GC: variants seen among roughly 807,000 people sequenced by gnomAD.
The protein encoded by GC is vitamin D-binding protein.
GC carries 43 observed loss-of-function variants against 56.7 expected under a neutral mutation model. The observed-to-expected ratio is 0.76, with a 90% CI of 0.59 to 0.98. The LOEUF (loss-of-function observed/expected upper bound fraction) is 0.98. Among genes scored for constraint, GC ranks in the 50% least tolerant of loss-of-function variants. The pLI, the probability that GC is intolerant of heterozygous loss-of-function variation, is 0.00. For synonymous variants in GC, 216 were observed against 202.7 expected (o/e 1.07, Z -0.56); for missense variants, 529 against 545.9 (o/e 0.97, Z 0.31).
intron 1 of GC, among the ~76,000 whole-genome samples, chr4:71,790,556 T>C (rs982538912): frequency 2.6e-5 from 4 of 151,880 alleles, no homozygotes; most frequent in African/African-American, 9.7e-5. Flanking sequence ...ACTTTTTTCT[T>C]CTGTATTTTT....
At chr4:71,778,862 TATCCTCAGGAAACAGAA>T (rs1742584459) in intron 1 of GC, among the ~76,000 whole-genome samples, 1 of 149,342 alleles carries the variant, frequency 6.7e-6, no homozygotes, top group African/African-American at 2.5e-5. Flanking sequence ...ATGAAGATTG[TATCCTCAGGAAACAGAA>T]TATTGCTGTC....
chr4:71,793,085 C>G (rs779050762), intron 1 of GC, among the ~76,000 whole-genome samples: 3 of 152,126 alleles, frequency 2.0e-5, no homozygotes, highest in Non-Finnish European at 4.4e-5. Context: ...AGTTTGAAGT[C>G]AGGTAGCATG....
upstream of GC, among the ~76,000 whole-genome samples, chr4:71,784,878 A>G (rs761569437): frequency 6.6e-5 from 10 of 151,660 alleles, no homozygotes; most frequent in Non-Finnish European, 1.2e-4. Context: ...AGGACATGAA[A>G]TCCAACATCT....
At chr4:71,755,352 A>C (rs532339036) in intron 8 of GC, among the ~76,000 whole-genome samples, 24 of 151,956 alleles carry the variant, frequency 1.6e-4, no homozygotes, top group African/African-American at 5.8e-4. Flanking sequence ...TAGTGGAGAC[A>C]GGGTTTCACC....
At chr4:71,779,769 A>G (rs1014605518) in intron 1 of GC, among the ~76,000 whole-genome samples, 1 of 151,878 alleles carries the variant, frequency 6.6e-6, no homozygotes, top group Non-Finnish European at 1.5e-5. Context: ...GATATCAGTA[A>G]GATGAAACAT....
Position 71,761,163 on chromosome 4 carries a change from G to A in GC, c.701+2245C>T, listed in dbSNP as rs574621479. Among the ~76,000 whole-genome samples the A allele has an allele frequency of 3.9e-5, 6 of 152,260 alleles. No homozygotes were observed. In the East Asian group the frequency reaches 5.8e-4, roughly 15 times the overall value. ...TGGCTTTGCCCAAAATGCTAATAGC[G>A]ATATGGACAATAAGGTCCAGGCTAA... On this transcript the variant is annotated intron_variant, in intron 6 of 12. Transcript: ENST00000273951.
At chr4:71,796,699 T>G (rs1743114765) in intron 1 of GC, among the ~76,000 whole-genome samples, 1 of 152,238 alleles carries the variant, frequency 6.6e-6, no homozygotes, top group Non-Finnish European at 1.5e-5. Flanking sequence ...TCCAACTTTT[T>G]TCCGTTGCTG....
intron 1 of GC, among the ~76,000 whole-genome samples, chr4:71,799,280 C>G: frequency 6.6e-6 from 1 of 152,222 alleles, no homozygotes; most frequent in Non-Finnish European, 1.5e-5. Flanking sequence ...TGCCTCCCAG[C>G]TCAGCGAGAC....
chr4:71,776,304 T>C (rs185605039), intron 1 of GC, among the ~76,000 whole-genome samples: 1 of 152,034 alleles, frequency 6.6e-6, no homozygotes, highest in Admixed American at 6.6e-5. Context: ...ATTTACACAG[T>C]TGAATACTAT....
intron 2 of GC, 103 bp from the exon 3 acceptor site, chr4:71,768,536 T>C: frequency 3.2e-6 from 3 of 935,630 alleles, no homozygotes; most frequent in Non-Finnish European, 4.7e-6. Context: ...TGGTGTGATC[T>C]CAGCTCACTG....
In GC at chr4:71,803,994, T is replaced by C. The variant is rs1192627266; in HGVS notation, c.-48A>G. On this transcript the variant is annotated 5_prime_UTR_variant, in exon 1 of 14. Transcript: ENST00000504199. ...AGATCATCACCAGTGGTAGAATAGG[T>C]AGATATCATTCTCCTGGTGGAGTAA... 7.5e-6 allele frequency: 9 copies of C among 1,202,830 alleles called. No homozygotes were observed. In the South Asian group the frequency reaches 7.7e-5, roughly 10 times the overall value. 74.5% of individuals were successfully genotyped at this position (1,202,830 alleles called of 1,614,324 possible). A position where few individuals can be genotyped will look rare whatever the true frequency, so the allele number is the denominator to read the frequency against.
intron 11 of GC, among the ~76,000 whole-genome samples, chr4:71,750,685 G>A (rs1335500355): frequency 6.6e-6 from 1 of 152,102 alleles, no homozygotes; most frequent in Admixed American, 6.5e-5. Context: ...AGGAGTTCCA[G>A]ATCAGCCTGG....
chr4:71,775,303 G>A (rs1013975566), intron 1 of GC, among the ~76,000 whole-genome samples: 3 of 151,774 alleles, frequency 2.0e-5, no homozygotes, highest in Non-Finnish European at 2.9e-5. Context: ...GCACAATTCT[G>A]GACATTCCCA....
intron 1 of GC, among the ~76,000 whole-genome samples, chr4:71,775,132 G>A (rs1742468413): frequency 6.7e-6 from 1 of 150,272 alleles, no homozygotes. Flanking sequence ...TTTGGTCTTA[G>A]TAGTGACAGA....
chr4:71,756,934 TTTGTGCA>T lies in GC; in HGVS notation c.832-27_832-21del, dbSNP rs752508098. On this transcript the variant is annotated intron_variant, in intron 7 of 12. Transcript: ENST00000273951. The stretch of plus-strand genomic sequence containing the variant: ...AGGCAGCTACAAAACGAATGGTTAG[TTTGTGCA>T]TTGTTAGTTTCCTGATAGTCTAATT... The T allele has an allele frequency of 6.6e-6, 10 of 1,518,966 alleles. No homozygotes were observed. The Admixed American group carries it at 1.7e-4, about 25-fold the overall frequency. 94.1% of individuals were successfully genotyped at this position (1,518,966 alleles called of 1,614,324 possible). A position where few individuals can be genotyped will look rare whatever the true frequency, so the allele number is the denominator to read the frequency against.
intron 1 of GC, among the ~76,000 whole-genome samples, chr4:71,797,860 A>G (rs1051426552): frequency 9.2e-5 from 14 of 152,238 alleles, no homozygotes; most frequent in Non-Finnish European, 1.3e-4. Context: ...TGAGCTTCTC[A>G]TAAGTCAATG....
Position 71,756,697 on chromosome 4 carries a change from A to G in GC, c.1034+15T>C, listed in dbSNP as rs377645659. The G allele has an allele frequency of 3.8e-6, 6 of 1,583,144 alleles. No individual in the cohort carries two copies. Among genetic ancestry groups the G allele is most frequent in the Admixed American group, 1.7e-5 (1 of 59,876 alleles). ...ACTTAAAATGGGAAAACGTTTTCAC[A>G]TCACCTCTACTTACTTATCCATGAC... On this transcript the variant is annotated intron_variant, in intron 8 of 12. Coordinates refer to ENST00000273951, the MANE Select transcript of GC (RefSeq NM_000583.4).
Position 71,783,958 on chromosome 4 carries a change from T to C in GC, c.58+3A>G. 6.3e-7 allele frequency: 1 copy of C among 1,587,044 alleles called. No individual in the cohort carries two copies. Among genetic ancestry groups the C allele is most frequent in the Non-Finnish European group, 8.6e-7 (1 of 1,167,162 alleles). On this transcript the variant is annotated splice_donor_region_variant and intron_variant, in intron 1 of 12. Transcript: ENST00000273951. The stretch of plus-strand genomic sequence containing the variant: ...TAAATGGTCACAACAAAAGAAATCT[T>C]ACCTCTCTCTAAAGCATGTCCAAAT...
chr4:71,765,584 G>A lies in GC; in HGVS notation c.321C>T (p.Gly107=). ...CCTCTTTGGTGCAGCACTCAGCAGT[G>A]CCTGGGTGAACGGGGAATGGAGAAT... ...ESNSPFPVHP[G]TAECCTKEGL... The change falls in exon 4 of 13, where the codon GGC becomes GGT. Residue 107 remains glycine, a synonymous_variant. Transcript: ENST00000273951. The A allele has an allele frequency of 6.2e-7, 1 of 1,613,576 alleles. No individual in the cohort carries two copies. Among genetic ancestry groups the A allele is most frequent in the Non-Finnish European group, 8.5e-7 (1 of 1,179,606 alleles).
Sources: allele counts gnomAD v4.1 joint callset (sites outside exome capture counted in the v4.1 genomes callset), GRCh38; gene constraint gnomAD v4.1.1; transcripts MANE v1.5; gene names NCBI Gene and HGNC (gene_info 2026-07-23, HGNC 2026-07-21).